Variants in ANKRD1 observed in about 807,000 individuals in gnomAD.
The protein encoded by ANKRD1 is ankyrin repeat domain 1.
ANKRD1 carries 32 observed loss-of-function variants against 40.1 expected under a neutral mutation model. The observed-to-expected ratio is 0.80, with a 90% CI of 0.60 to 1.07. The LOEUF is 1.07. Among genes scored for constraint, ANKRD1 ranks in the 50% least tolerant of loss-of-function variants. The pLI is 0.00. For synonymous variants in ANKRD1, 149 were observed against 141.2 expected (o/e 1.06, Z -0.39); for missense variants, 359 against 386.0 (o/e 0.93, Z 0.59).
chr10:90,920,210 C>T lies in ANKRD1; in HGVS notation c.166G>A (p.Gly56Arg). 1.2e-6 allele frequency: 2 copies of T among 1,614,090 alleles called. No homozygotes were observed. Among genetic ancestry groups the T allele is most frequent in the Non-Finnish European group, 1.7e-6 (2 of 1,180,012 alleles). The part of the protein sequence containing the change: ...KTLLAHPVTL[G>R]EQQWKSEKQR... ...TTCTCGCTTTTCCACTGTTGCTCCC[C>T]CAGGGTCACAGGGTGGGCTAGAAGT... is the stretch of plus-strand genomic sequence containing the variant. The change falls in exon 2 of 9, where the codon GGG (glycine) becomes AGG (arginine). Residue 56 changes from glycine to arginine, a missense_variant. By Grantham distance (125) the Gly-to-Arg change is moderately radical. Coordinates refer to ENST00000371697, the MANE Select transcript of ANKRD1 (RefSeq NM_014391.3).
At chr10:90,919,417 C>G (rs1309383027) in intron 2 of ANKRD1, 149 bp from the exon 3 acceptor site, 3 of 659,608 alleles carry the variant, frequency 4.5e-6, no homozygotes, top group East Asian at 6.2e-5. Flanking sequence ...TCTTTGACTT[C>G]ATTTTAGGGA....
chr10:90,920,067 A>G (rs769758659), intron 2 of ANKRD1, 102 bp downstream of exon 2: 15 of 1,514,118 alleles, frequency 9.9e-6, no homozygotes, highest in Non-Finnish European at 1.4e-5. Flanking sequence ...GTAAAGAGAC[A>G]TCTTAATGAT....
chr10:90,915,594 CTTA>C lies in ANKRD1; in HGVS notation c.795_797del (p.Tyr265_Lys266delinsTer). The C allele has an allele frequency of 5.6e-6, 9 of 1,614,078 alleles. No individual in the cohort carries two copies. Among genetic ancestry groups the C allele is most frequent in the Non-Finnish European group, 7.6e-6 (9 of 1,179,992 alleles). Reference sequence around the variant, plus strand: ...CATACATAATCAGGAGTCGGATCATCTTATAGCGGTTCAGTCTCACCGCATCAT... The same window carrying C: ...CATACATAATCAGGAGTCGGATCATCTAGCGGTTCAGTCTCACCGCATCAT... On this transcript the variant is annotated stop_gained and inframe_deletion, in exon 8 of 9. Coordinates refer to ENST00000371697, the MANE Select transcript of ANKRD1 (RefSeq NM_014391.3). LOFTEE classifies it high-confidence loss of function.
chr10:90,914,749 T>A, intron 8 of ANKRD1, among the ~76,000 whole-genome samples: 1 of 123,888 alleles, frequency 8.1e-6, no homozygotes. Flanking sequence ...TTTTGTAAAG[T>A]GATTCTTCAA....
chr10:90,919,688 C>T (rs1014361817), intron 2 of ANKRD1, among the ~76,000 whole-genome samples: 1 of 152,244 alleles, frequency 6.6e-6, no homozygotes, highest in Non-Finnish European at 1.5e-5. Context: ...ATGTCATTCT[C>T]TTTCACTAAG....
rs1419416855 is a variant in ANKRD1 at position 90,912,902 on chromosome 10, C to T, written c.924G>A (p.Glu308=). The T allele has an allele frequency of 5.0e-6, 8 of 1,614,042 alleles. No homozygotes were observed. In the East Asian group the frequency reaches 1.8e-4, roughly 36 times the overall value. ...GTKAIFDSLR[E]NSYKTSRIAT... is the part of the protein sequence containing the mutation. The stretch of plus-strand genomic sequence containing the variant: ...CTATGCGAGAGGTCTTGTAGGAGTT[C>T]TCTCTGAGGCTGTCGAATATTGCTT... Residue 308 remains glutamate, a synonymous_variant, in exon 9 of 9, where the codon GAG becomes GAA. Coordinates refer to ENST00000371697, the MANE Select transcript of ANKRD1 (RefSeq NM_014391.3).
rs750255548 is a variant in ANKRD1, at chr10:90,920,990, A to G, written c.27+11T>C. On this transcript the variant is annotated intron_variant, in intron 1 of 8. Coordinates refer to ENST00000371697, the MANE Select transcript of ANKRD1 (RefSeq NM_014391.3). ...AGTTTTCATTTTATAAAATTAATGC[A>G]TCTTACATACCAGTTCCTCTACTTT... is the stretch of plus-strand genomic sequence containing the variant. 7 of 1,613,050 alleles carry G rather than the reference A, an allele frequency of 4.3e-6. No homozygotes were observed. Among genetic ancestry groups the G allele is most frequent in the Non-Finnish European group, 5.9e-6 (7 of 1,179,000 alleles).
intron 5 of ANKRD1, 127 bp from the exon 6 acceptor site, chr10:90,916,396 C>T: frequency 1.4e-6 from 1 of 732,846 alleles, no homozygotes; most frequent in Non-Finnish European, 2.4e-6. Context: ...TAACTGGAGT[C>T]GAAGGTTCTT....
intron 2 of ANKRD1, among the ~76,000 whole-genome samples, chr10:90,919,898 T>A (rs1161736310): frequency 6.6e-6 from 1 of 152,228 alleles, no homozygotes; most frequent in Admixed American, 6.5e-5. Context: ...CTACATGGTG[T>A]GTAACATCAG....
chr10:90,919,283 C>A lies in ANKRD1; in HGVS notation c.208-15G>T, dbSNP rs116511484. 2 of 1,594,158 alleles carry A rather than the reference C, an allele frequency of 1.3e-6. No individual in the cohort carries two copies. Among genetic ancestry groups the A allele is most frequent in the South Asian group, 1.1e-5 (1 of 89,740 alleles). ...TTCTTTTTGAGCTAAAAAAGAAATT[C>A]GTATTTCAAAAATATGGTGAGTTCT... On this transcript the variant is annotated splice_polypyrimidine_tract_variant and intron_variant, in intron 2 of 8. Transcript: ENST00000371697.
intron 2 of ANKRD1, among the ~76,000 whole-genome samples, chr10:90,919,510 C>G (rs1847411810): frequency 6.6e-6 from 1 of 152,126 alleles, no homozygotes; most frequent in Non-Finnish European, 1.5e-5. Context: ...AGAATCAGCC[C>G]TTGACCAATT....
Position 90,918,987 on chromosome 10 carries a change from A to ATATATATATATATATATATATATATAT in ANKRD1, c.346-16_346-15insATATATATATATATATATATATATATA, listed in dbSNP as rs60923931. The ATATATATATATATATATATATATATAT allele has an allele frequency of 2.6e-4, 52 of 198,638 alleles. 1 individual carries two copies. The highest frequency in any genetic ancestry group is 9.8e-4 in the East Asian group (5 of 5,104). 12.3% of individuals were successfully genotyped at this position (198,638 alleles called of 1,614,324 possible). On this transcript the variant is annotated splice_polypyrimidine_tract_variant and intron_variant, in intron 3 of 8. Coordinates refer to ENST00000371697, the MANE Select transcript of ANKRD1 (RefSeq NM_014391.3). The stretch of plus-strand genomic sequence containing the variant: ...ACAGGTTCCGTCTAAAGCCAAAATA[A>ATATATATATATATATATATATATATAT]ATAAATATATATATATATATATATA...
At chr10:90,916,674 A>G (rs978004764) in intron 5 of ANKRD1, among the ~76,000 whole-genome samples, 4 of 152,218 alleles carry the variant, frequency 2.6e-5, no homozygotes, top group Admixed American at 2.6e-4. Context: ...AACACAACTA[A>G]TAAGAGGCAG....
In ANKRD1 at chr10:90,920,900, G is replaced by C. The variant is rs184982275; in HGVS notation, c.27+101C>G. 134 of 1,132,250 alleles carry C rather than the reference G, an allele frequency of 1.2e-4. No homozygotes were observed. In the Middle Eastern group the frequency reaches 1.6e-3, roughly 13 times the overall value. 70.1% of individuals were successfully genotyped at this position (1,132,250 alleles called of 1,614,324 possible). On this transcript the variant is annotated intron_variant, in intron 1 of 8. Coordinates refer to ENST00000371697, the MANE Select transcript of ANKRD1 (RefSeq NM_014391.3). ...TTTTTCCATATATGACATTTTCAGA[G>C]TTCCCTTGCATTACACCTGAAAGCA...
In ANKRD1 at chr10:90,912,899, G is replaced by T. The variant is rs776479970; in HGVS notation, c.927C>A (p.Asn309Lys). 6.2e-7 allele frequency: 1 copy of T among 1,613,924 alleles called. No individual in the cohort carries two copies. The highest frequency in any genetic ancestry group is 1.7e-5 in the Admixed American group (1 of 59,992). The change falls in exon 9 of 9, where the codon AAC becomes AAA. Residue 309 changes from asparagine (N) to lysine (K), a missense_variant. Asn to Lys is a moderately conservative substitution (Grantham distance 94, BLOSUM62 0). Transcript: ENST00000371697. ...TAGCTATGCGAGAGGTCTTGTAGGA[G>T]TTCTCTCTGAGGCTGTCGAATATTG... ...TKAIFDSLRE[N>K]SYKTSRIATF
chr10:90,915,903 T>C (rs758164285), intron 6 of ANKRD1, 23 bp from the exon 7 acceptor site: 2 of 1,608,766 alleles, frequency 1.2e-6, no homozygotes, highest in Non-Finnish European at 1.7e-6. Context: ...AAAACGCTGC[T>C]GATTCGCTAG....
chr10:90,913,803 T>C (rs1847341762), intron 8 of ANKRD1, among the ~76,000 whole-genome samples: 1 of 152,194 alleles, frequency 6.6e-6, no homozygotes, highest in African/African-American at 2.4e-5. Context: ...TTTTTAAGAT[T>C]AGTATGAATT....
At chr10:90,914,084 A>G (rs917668260) in intron 8 of ANKRD1, among the ~76,000 whole-genome samples, 1 of 152,112 alleles carries the variant, frequency 6.6e-6, no homozygotes, top group African/African-American at 2.4e-5. Flanking sequence ...GAACTTCCCC[A>G]CCTCTGTAGT....
intron 8 of ANKRD1, among the ~76,000 whole-genome samples, chr10:90,914,688 T>C (rs962679656): frequency 6.6e-6 from 1 of 150,836 alleles, no homozygotes; most frequent in Non-Finnish European, 1.5e-5. Context: ...GGGGAGAAAA[T>C]TATTTGCATT....
Sources: allele counts gnomAD v4.1 joint callset (sites outside exome capture counted in the v4.1 genomes callset), GRCh38; gene constraint gnomAD v4.1.1; transcripts MANE v1.5; gene names NCBI Gene and HGNC (gene_info 2026-07-23, HGNC 2026-07-21).